The following NR6A1 variants were observed in gnomAD, a reference collection of about 807,000 sequenced individuals.
NR6A1 encodes the protein retinoic acid receptor-related testis-associated receptor.
Under a neutral mutation model 59.1 loss-of-function variants are expected in NR6A1, and 7 were observed. That is an observed-to-expected ratio of 0.12 (90% confidence interval 0.07 to 0.22). The LOEUF (loss-of-function observed/expected upper bound fraction) is 0.22. Ranked by LOEUF, NR6A1 falls within the 10% of genes least tolerant of loss-of-function variation. The pLI is 1.00. For missense variants in NR6A1, 468 were observed against 611.6 expected, an observed-to-expected ratio of 0.77 and a Z score of 2.48; for synonymous variants, 243 against 236.1, an observed-to-expected ratio of 1.03 and a Z score of -0.27.
chr9:124,630,670 CTTTTTTT>C (rs71372980), intron 2 of NR6A1, among the ~76,000 whole-genome samples: 32 of 59,520 alleles, frequency 5.4e-4, no homozygotes, highest in South Asian at 1.4e-3. Context: ...TACTACATTT[CTTTTTTT>C]TTTTTTTTTT....
intron 1 of NR6A1, among the ~76,000 whole-genome samples, chr9:124,745,952 C>A (rs1268841175): frequency 6.9e-6 from 1 of 144,000 alleles, no homozygotes; most frequent in African/African-American, 2.6e-5. Context: ...CGCGCCACTG[C>A]ACTCCAGCCT....
intron 1 of NR6A1, among the ~76,000 whole-genome samples, chr9:124,763,654 G>A (rs561175211): frequency 8.6e-4 from 131 of 152,330 alleles, no homozygotes; most frequent in Middle Eastern, 3.4e-3. Flanking sequence ...AGCAAGGGAT[G>A]AGGAAGGGGG....
intron 1 of NR6A1, among the ~76,000 whole-genome samples, chr9:124,737,598 G>A (rs1257390058): frequency 6.6e-6 from 1 of 152,208 alleles, no homozygotes; most frequent in Non-Finnish European, 1.5e-5. Context: ...GGGCGCAGTG[G>A]CTCACACCTG....
intron 7 of NR6A1, among the ~76,000 whole-genome samples, chr9:124,534,421 C>A (rs2131341123): frequency 6.6e-6 from 1 of 152,258 alleles, no homozygotes; most frequent in African/African-American, 2.4e-5. Flanking sequence ...CTCAGCAGAT[C>A]ATCTGTCTTG....
intron 2 of NR6A1, chr9:124,599,087 C>T (rs1413545941): frequency 2.8e-6 from 2 of 714,014 alleles, no homozygotes; most frequent in Non-Finnish European, 5.2e-6. Context: ...ACCAGTGCCT[C>T]GCTCGTTCCA....
chr9:124,608,641 T>C (rs1835644026), intron 2 of NR6A1, among the ~76,000 whole-genome samples: 1 of 152,206 alleles, frequency 6.6e-6, no homozygotes, highest in Admixed American at 6.5e-5. Flanking sequence ...TCATTTATAT[T>C]CCTTTGGGTA....
At chr9:124,662,965 A>G (rs936960122) in intron 2 of NR6A1, among the ~76,000 whole-genome samples, 6 of 152,254 alleles carry the variant, frequency 3.9e-5, no homozygotes, top group African/African-American at 1.2e-4. Context: ...TTAAAAAGCT[A>G]TATTAGAAAT....
At chr9:124,557,508 C>T (rs193174535) in intron 2 of NR6A1, among the ~76,000 whole-genome samples, 134 of 152,174 alleles carry the variant, frequency 8.8e-4, no homozygotes, top group Admixed American at 3.1e-3. Flanking sequence ...ATACAAAAAG[C>T]CCTATTAAGA....
chr9:124,728,637 A>AATAT (rs1839796593), intron 2 of NR6A1, among the ~76,000 whole-genome samples: 1 of 144,840 alleles, frequency 6.9e-6, no homozygotes, highest in Admixed American at 6.9e-5. Context: ...TCCGCCTCAA[A>AATAT]AAATAAATAA....
At chr9:124,742,837 C>A (rs1416951478) in intron 1 of NR6A1, among the ~76,000 whole-genome samples, 2 of 152,182 alleles carry the variant, frequency 1.3e-5, no homozygotes, top group Admixed American at 1.3e-4. Flanking sequence ...GATGGTGCCA[C>A]TGCACTCCAG....
At chr9:124,598,816 C>T (rs1042119452) in intron 2 of NR6A1, 4 of 807,336 alleles carry the variant, frequency 5.0e-6, no homozygotes, top group Non-Finnish European at 8.6e-6. Flanking sequence ...CGGATCTTTT[C>T]TTTTCTCTCT....
At chr9:124,613,590 G>A (rs571775620) in intron 2 of NR6A1, among the ~76,000 whole-genome samples, 1 of 152,204 alleles carries the variant, frequency 6.6e-6, no homozygotes, top group Non-Finnish European at 1.5e-5. Context: ...GAGCCTGGGA[G>A]GTTGAGGCTG....
At chr9:124,687,075 T>C (rs1329429460) in intron 2 of NR6A1, among the ~76,000 whole-genome samples, 2 of 152,024 alleles carry the variant, frequency 1.3e-5, no homozygotes, top group African/African-American at 2.4e-5. Flanking sequence ...CTAGGCCAAT[T>C]TGCTATCTCA....
chr9:124,563,012 C>T (rs1460464750), intron 2 of NR6A1, among the ~76,000 whole-genome samples: 1 of 152,204 alleles, frequency 6.6e-6, no homozygotes, highest in African/African-American at 2.4e-5. Context: ...ACAACAGCTG[C>T]AGGACTTCTC....
chr9:124,554,790 A>G (rs1833879883), intron 2 of NR6A1, among the ~76,000 whole-genome samples: 1 of 152,172 alleles, frequency 6.6e-6, no homozygotes, highest in African/African-American at 2.4e-5. Context: ...CCTGGGTTTC[A>G]TCAACACTTG....
intron 2 of NR6A1, among the ~76,000 whole-genome samples, chr9:124,700,137 A>C (rs1310517463): frequency 6.6e-6 from 1 of 151,964 alleles, no homozygotes; most frequent in Non-Finnish European, 1.5e-5. Context: ...GGTGTGAGTC[A>C]CCACGCCCAG....
chr9:124,663,193 G>GAGTGCAACAAATGGTACTACCC (rs1274709114), intron 2 of NR6A1, among the ~76,000 whole-genome samples: 1 of 152,104 alleles, frequency 6.6e-6, no homozygotes, highest in Non-Finnish European at 1.5e-5. Flanking sequence ...GGTCAAGACC[G>GAGTGCAACAAATGGTACTACCC]AGTGCAACAA....
intron 2 of NR6A1, among the ~76,000 whole-genome samples, chr9:124,661,725 T>C (rs1837440945): frequency 6.6e-6 from 1 of 152,224 alleles, no homozygotes; most frequent in African/African-American, 2.4e-5. Flanking sequence ...CATCAGTTAC[T>C]ATCCCAAAGT....
chr9:124,538,542 ACT>A (rs1833351196), intron 5 of NR6A1, among the ~76,000 whole-genome samples: 1 of 152,166 alleles, frequency 6.6e-6, no homozygotes, highest in Non-Finnish European at 1.5e-5. Flanking sequence ...GCCACTGGAC[ACT>A]CAGTGCATGG....
Sources: allele counts gnomAD v4.1 joint callset (sites outside exome capture counted in the v4.1 genomes callset), GRCh38; gene constraint gnomAD v4.1.1; transcripts MANE v1.5; gene names NCBI Gene and HGNC (gene_info 2026-07-23, HGNC 2026-07-21).